Variants in CYCS observed in about 807,000 individuals in gnomAD.
CYCS encodes cytochrome c.
For missense variants in CYCS, 87 were observed against 125.3 expected (o/e 0.69, Z 1.46); for synonymous variants, 41 against 43.0 (o/e 0.95, Z 0.18).
intron 1 of CYCS, chr7:25,124,893 C>G (rs1448473094): frequency 6.6e-6 from 1 of 152,488 alleles, no homozygotes; most frequent in African/African-American, 2.4e-5. Context: ...GGAGGGAAGT[C>G]TTGCCTATCA....
rs746031832 is a variant in CYCS, at chr7:25,123,967, G to T, written c.153C>A (p.Ala51=). ...GACTCTTACCTTTGTTCTTATTGGC[G>T]GCTGTGTAAGAGTATCCAGGGGCCT... ...TGQAPGYSYT[A]ANKNKGIIWG... Residue 51 remains alanine (A), a synonymous_variant, in exon 2 of 3, where the codon GCC becomes GCA. Coordinates refer to ENST00000305786, the MANE Select transcript of CYCS (RefSeq NM_018947.6). 22 of 1,613,858 alleles carry T rather than the reference G, an allele frequency of 1.4e-5. No individual in the cohort carries two copies. Among genetic ancestry groups the T allele is most frequent in the African/African-American group, 1.3e-5 (1 of 74,826 alleles).
In CYCS at chr7:25,120,896, A is replaced by ATG. The variant is rs1783349947; in HGVS notation, c.*2804_*2805insCA. Reference sequence around the variant, plus strand: ...TCCCAGCACTTTGGGAGGCCGAGGCAGGTAGATCACCTGACGTCGGGAGTT... The same window carrying ATG: ...TCCCAGCACTTTGGGAGGCCGAGGCATGGGTAGATCACCTGACGTCGGGAGTT... On this transcript the variant is annotated 3_prime_UTR_variant, in exon 3 of 3. Coordinates refer to ENST00000305786, the MANE Select transcript of CYCS (RefSeq NM_018947.6). 7 of 151,650 alleles carry ATG rather than the reference A, an allele frequency of 4.6e-5. No individual in the cohort carries two copies. Among genetic ancestry groups the ATG allele is most frequent in the African/African-American group, 1.7e-4 (7 of 41,372 alleles). 9.4% of individuals were successfully genotyped at this position (151,650 alleles called of 1,614,324 possible).
rs780012354 is a variant in CYCS, at chr7:25,119,997, T to C, written c.*3704A>G. ...CTATCTAAAACTGCCAACTTACGAA[T>C]AGGTAAAACTTATGGTAAAATTATA... On this transcript the variant is annotated 3_prime_UTR_variant, in exon 3 of 3. Transcript: ENST00000305786. 1.3e-5 allele frequency: 2 copies of C among 152,090 alleles called. No homozygotes were observed. The highest frequency in any genetic ancestry group is 2.9e-5 in the Non-Finnish European group (2 of 68,024). The allele number at this position is 152,090 out of a possible 1,614,324, so 9.4% of individuals were successfully genotyped here.
Position 25,118,790 on chromosome 7 carries a change from T to C in CYCS, c.*4911A>G, listed in dbSNP as rs1583392293. On this transcript the variant is annotated 3_prime_UTR_variant, in exon 3 of 3. Transcript: ENST00000305786. ...TGTTCAAGTTACAGACATATTTAAA[T>C]GTTTAAATTTAAAATGTTAAATTTA... Among the ~76,000 whole-genome samples, 1 of 151,900 alleles carries C rather than the reference T, an allele frequency of 6.6e-6. No individual in the cohort carries two copies. The highest frequency in any genetic ancestry group is 1.5e-5 in the Non-Finnish European group (1 of 68,036).
At position 25,123,982 on chromosome 7, in the gene CYCS, T is replaced by A; in HGVS notation, c.138A>T (p.Gly46=). The A allele has an allele frequency of 6.2e-7, 1 of 1,614,218 alleles. No homozygotes were observed. The highest frequency in any genetic ancestry group is 1.1e-5 in the South Asian group (1 of 91,084). Residue 46 remains glycine, a synonymous_variant, in exon 2 of 3, where the codon GGA becomes GGT. Transcript: ENST00000305786. ...LFGRKTGQAP[G]YSYTAANKNK... is the part of the protein sequence containing the mutation. ...TCTTATTGGCGGCTGTGTAAGAGTA[T>A]CCAGGGGCCTGACCTGTCTTCCGCC...
rs1484770367 is a variant in CYCS at position 25,119,141 on chromosome 7, T to C, written c.*4560A>G. Reference sequence around the variant, plus strand: ...GAGACAAAGTTTCTGGTCAGGTGTATTTGTATACTTCATCAGGCATATGCC... The same window carrying C: ...GAGACAAAGTTTCTGGTCAGGTGTACTTGTATACTTCATCAGGCATATGCC... On this transcript the variant is annotated 3_prime_UTR_variant, in exon 3 of 3. Transcript: ENST00000305786. 6.6e-6 allele frequency among the ~76,000 whole-genome samples: 1 copy of C among 152,220 alleles called. No homozygotes were observed. Among genetic ancestry groups the C allele is most frequent in the Non-Finnish European group, 1.5e-5 (1 of 68,040 alleles).
rs141609926 is a variant in CYCS at position 25,121,995 on chromosome 7, A to ATGTT, written c.*1702_*1705dup. The stretch of plus-strand genomic sequence containing the variant: ...AACACATTTCTGTATCTATCTTAAT[A>ATGTT]TGTTTCCTGTATCATTTCCAGGATG... On this transcript the variant is annotated 3_prime_UTR_variant, in exon 3 of 3. Coordinates refer to ENST00000305786, the MANE Select transcript of CYCS (RefSeq NM_018947.6). The ATGTT allele has an allele frequency of 0.4, 59,323 of 149,238 alleles. 12,718 individuals carry two copies. Among genetic ancestry groups the ATGTT allele is most frequent in the African/African-American group, 0.57 (23,112 of 40,460 alleles). 9.2% of individuals were successfully genotyped at this position (149,238 alleles called of 1,614,324 possible).
chr7:25,123,100 G>A lies in CYCS; in HGVS notation c.*601C>T. The A allele has an allele frequency of 6.4e-6, 1 of 155,072 alleles. No individual in the cohort carries two copies. Among genetic ancestry groups the A allele is most frequent in the Non-Finnish European group, 1.4e-5 (1 of 69,718 alleles). 9.6% of individuals were successfully genotyped at this position (155,072 alleles called of 1,614,324 possible). ...GACCTTATAGATCTGTAAGATGTGA[G>A]AGGTGTTGAATAATCTTTAATATTA... On this transcript the variant is annotated 3_prime_UTR_variant, in exon 3 of 3. Coordinates refer to ENST00000305786, the MANE Select transcript of CYCS (RefSeq NM_018947.6).
chr7:25,124,625 G>C (rs1303343876), intron 1 of CYCS: 1 of 191,592 alleles, frequency 5.2e-6, no homozygotes, highest in Non-Finnish European at 1.1e-5. Context: ...CTTGACACTC[G>C]AACTTGTGAA....
In CYCS at chr7:25,119,577, A is replaced by AT. The variant is rs1783327098; in HGVS notation, c.*4123_*4124insA. On this transcript the variant is annotated 3_prime_UTR_variant, in exon 3 of 3. Coordinates refer to ENST00000305786, the MANE Select transcript of CYCS (RefSeq NM_018947.6). The stretch of plus-strand genomic sequence containing the variant: ...AGGCATGACCTACTGCACCCAGACC[A>AT]CTTTTTTTTTTTTTAAAAGAGATGG... Among the ~76,000 whole-genome samples the AT allele has an allele frequency of 7.2e-6, 1 of 139,794 alleles. No homozygotes were observed. Among genetic ancestry groups the AT allele is most frequent in the Admixed American group, 7.4e-5 (1 of 13,512 alleles). 91.7% of individuals were successfully genotyped at this position (139,794 alleles called of 152,430 possible). A position where few individuals can be genotyped will look rare whatever the true frequency, so the allele number is the denominator to read the frequency against.
In CYCS at chr7:25,120,945, AG is replaced by A. The variant is rs1457140887; in HGVS notation, c.*2755del. On this transcript the variant is annotated 3_prime_UTR_variant, in exon 3 of 3. Transcript: ENST00000305786. ...TTCAAGACCAGCCTGTCCAGCATGG[AG>A]AAACCCTGTCTCTACTAAAAACACA... 1 of 152,012 alleles carries A rather than the reference AG, an allele frequency of 6.6e-6. No individual in the cohort carries two copies. The highest frequency in any genetic ancestry group is 1.5e-5 in the Non-Finnish European group (1 of 68,012). The allele number at this position is 152,012 out of a possible 1,614,324, so 9.4% of individuals were successfully genotyped here.
chr7:25,124,786 G>A (rs190399458), intron 1 of CYCS: 3 of 153,588 alleles, frequency 2.0e-5, no homozygotes, highest in East Asian at 3.8e-4. Flanking sequence ...ACTGACGGAA[G>A]AAACATGTGC....
At position 25,118,863 on chromosome 7, in the gene CYCS, T is replaced by C. The variant is rs191367994; in HGVS notation, c.*4838A>G. ...TCATAGACACATACAACCTGCACTT[T>C]TACTCTTTGAGAAATGAATGCAGTA... On this transcript the variant is annotated 3_prime_UTR_variant, in exon 3 of 3. Transcript: ENST00000305786. 1.1e-4 allele frequency among the ~76,000 whole-genome samples: 16 copies of C among 152,338 alleles called. No homozygotes were observed. The highest frequency in any genetic ancestry group is 9.2e-4 in the Admixed American group (14 of 15,300).
chr7:25,124,182 T>C, intron 1 of CYCS, 55 bp from the exon 2 acceptor site: 2 of 1,374,026 alleles, frequency 1.5e-6, no homozygotes, highest in Non-Finnish European at 2.1e-6. Context: ...AAATACAGTG[T>C]AAATGAATGA....
chr7:25,124,027 T>G lies in CYCS; in HGVS notation c.93A>C (p.Pro31=). The stretch of plus-strand genomic sequence containing the variant: ...TCCGCCCAAAGAGACCATGGAGATT[T>G]GGCCCAGTCTTGTGCTTGCCTCCCT... ...VEKGGKHKTG[P]NLHGLFGRKT... Residue 31 remains proline, a synonymous_variant, in exon 2 of 3, where the codon CCA becomes CCC. Coordinates refer to ENST00000305786, the MANE Select transcript of CYCS (RefSeq NM_018947.6). 1 of 1,614,162 alleles carries G rather than the reference T, an allele frequency of 6.2e-7. No homozygotes were observed. The highest frequency in any genetic ancestry group is 8.5e-7 in the Non-Finnish European group (1 of 1,180,024).
In CYCS at chr7:25,120,848, G is replaced by A. The variant is rs1212907774; in HGVS notation, c.*2853C>T. Reference sequence around the variant, plus strand: ...TTTTAAAAAATTACATAATTGGCCAGGCGTGGTGGCTCACGCCTGTAATCC... The same window carrying A: ...TTTTAAAAAATTACATAATTGGCCAAGCGTGGTGGCTCACGCCTGTAATCC... On this transcript the variant is annotated 3_prime_UTR_variant, in exon 3 of 3. Transcript: ENST00000305786. 6.6e-6 allele frequency: 1 copy of A among 152,264 alleles called. No individual in the cohort carries two copies. The highest frequency in any genetic ancestry group is 1.5e-5 in the Non-Finnish European group (1 of 68,070). 9.4% of individuals were successfully genotyped at this position (152,264 alleles called of 1,614,324 possible).
intron 1 of CYCS, among the ~76,000 whole-genome samples, chr7:25,124,348 AC>A (rs1027082374): frequency 6.6e-6 from 1 of 152,176 alleles, no homozygotes; most frequent in Non-Finnish European, 1.5e-5. Context: ...TTGTGTGTAT[AC>A]GTGAAGGAAC....
intron 1 of CYCS, 131 bp from the exon 2 acceptor site, chr7:25,124,258 GT>G: frequency 1.3e-6 from 1 of 773,082 alleles, no homozygotes; most frequent in Non-Finnish European, 2.2e-6. Flanking sequence ...AATGAATCTT[GT>G]TTTGCTTTAA....
Position 25,118,974 on chromosome 7 carries a change from C to G in CYCS, c.*4727G>C, listed in dbSNP as rs1224956731. Among the ~76,000 whole-genome samples the G allele has an allele frequency of 6.6e-6, 1 of 151,962 alleles. No individual in the cohort carries two copies. The highest frequency in any genetic ancestry group is 1.5e-5 in the Non-Finnish European group (1 of 68,026). On this transcript the variant is annotated 3_prime_UTR_variant, in exon 3 of 3. Transcript: ENST00000305786. Reference sequence around the variant, plus strand: ...AAACTCCAACTAAGATAACCTGGAACCTATTAAATGGATATCCAACATTTT... The same window carrying G: ...AAACTCCAACTAAGATAACCTGGAAGCTATTAAATGGATATCCAACATTTT...
Sources: allele counts gnomAD v4.1 joint callset (sites outside exome capture counted in the v4.1 genomes callset), GRCh38; gene constraint gnomAD v4.1.1; transcripts MANE v1.5; gene names NCBI Gene and HGNC (gene_info 2026-07-23, HGNC 2026-07-21).